POTEE: variants seen among roughly 807,000 people sequenced by gnomAD.
POTEE encodes ANKRD26-like family C member 1A.
Under a neutral mutation model 74.2 loss-of-function variants are expected in POTEE, and 21 were observed. The observed-to-expected ratio is 0.28, with a 90% confidence interval of 0.20 to 0.41. The LOEUF (loss-of-function observed/expected upper bound fraction) is 0.41. POTEE is among the 10% of genes least tolerant of loss of function. The probability of loss-of-function intolerance (pLI) is 1.00; values close to 1 mark genes in which losing one functional copy is unlikely to be tolerated. For missense variants in POTEE, 525 were observed against 1,158.6 expected (o/e 0.45, Z 7.94); for synonymous variants, 211 against 432.8 (o/e 0.49, Z 6.36).
chr2:131,229,648 C>A (rs149772097), intron 8 of POTEE: 1 of 152,080 alleles, frequency 6.6e-6, no homozygotes, highest in Admixed American at 6.5e-5. Context: ...TGGAACAATA[C>A]GGGGAAAGTT....
chr2:131,232,730 A>G (rs1000083927), intron 9 of POTEE, among the ~76,000 whole-genome samples: 19 of 151,210 alleles, frequency 1.3e-4, no homozygotes, highest in Non-Finnish European at 2.4e-4. Flanking sequence ...TTGATATCCT[A>G]GGATCCCACT....
intron 9 of POTEE, among the ~76,000 whole-genome samples, chr2:131,232,939 A>C (rs1283353794): frequency 6.6e-6 from 1 of 151,992 alleles, no homozygotes; most frequent in Non-Finnish European, 1.5e-5. Context: ...TGGCTGGGTC[A>C]CACCACATGC....
intron 6 of POTEE, among the ~76,000 whole-genome samples, chr2:131,224,390 A>G (rs1210827562): frequency 1.4e-5 from 2 of 146,042 alleles, no homozygotes; most frequent in East Asian, 4.1e-4. Context: ...TTTACATGAA[A>G]ACTCCAAGAA....
chr2:131,232,955 C>T (rs1701010880), intron 9 of POTEE, among the ~76,000 whole-genome samples: 1 of 151,956 alleles, frequency 6.6e-6, no homozygotes, highest in Non-Finnish European at 1.5e-5. Context: ...CATGCTCATT[C>T]CCAAACCAGG....
At chr2:131,229,807 T>C (rs1365963248) in intron 8 of POTEE, 3 of 152,114 alleles carry the variant, frequency 2.0e-5, no homozygotes, top group Admixed American at 6.5e-5. Flanking sequence ...AATATTGAAA[T>C]TGTGATTTGT....
intron 6 of POTEE, 73 bp downstream of exon 6, chr2:131,224,116 G>C (rs1415056154): frequency 7.4e-7 from 1 of 1,352,146 alleles, no homozygotes; most frequent in Non-Finnish European, 1.0e-6. Context: ...GTAAGGGCCA[G>C]TCTTCCATAT....
chr2:131,234,532 G>C (rs1701068518), intron 9 of POTEE, among the ~76,000 whole-genome samples: 1 of 41,356 alleles, frequency 2.4e-5, no homozygotes, highest in Non-Finnish European at 4.6e-5. Flanking sequence ...CAGGATTATA[G>C]TTAGAATTTA....
At chr2:131,223,765 A>T in intron 5 of POTEE, 55 bp downstream of exon 5, 1 of 1,610,076 alleles carries the variant, frequency 6.2e-7, no homozygotes, top group Non-Finnish European at 8.5e-7. Flanking sequence ...AATACATAGC[A>T]TAAAAATGAG....
chr2:131,263,951 G>C lies in POTEE; in HGVS notation c.2496G>C (p.Met832Ile). ...TTGAGACCTTCAACACCCCAGCCATGTACGTGGCCATCCAGGCCGTGCCGT... is the reference window on the plus strand; with the variant it reads ...TTGAGACCTTCAACACCCCAGCCATCTACGTGGCCATCCAGGCCGTGCCGT... ...IMFETFNTPA[M>I]YVAIQAVPSL... Residue 832 changes from methionine (M) to isoleucine (I), a missense_variant, in exon 18 of 18, where the codon ATG becomes ATC. By Grantham distance (10) the Met-to-Ile change is conservative (BLOSUM62 1). Coordinates refer to ENST00000683005, the MANE Select transcript of POTEE (RefSeq NM_001083538.3). The C allele has an allele frequency of 6.2e-7, 1 of 1,614,218 alleles. No homozygotes were observed.
At chr2:131,221,396 G>A (rs930685150) in intron 4 of POTEE, among the ~76,000 whole-genome samples, 2 of 152,188 alleles carry the variant, frequency 1.3e-5, no homozygotes, top group Non-Finnish European at 1.5e-5. Flanking sequence ...ATCTGCTCGT[G>A]TTAGCTGAAA....
intron 10 of POTEE, among the ~76,000 whole-genome samples, chr2:131,237,163 T>C (rs1256773094): frequency 7.9e-5 from 12 of 151,320 alleles, no homozygotes; most frequent in African/African-American, 1.5e-4. Context: ...TGTTCTTTTA[T>C]TTTTACAACA....
rs1701815676 is a variant in POTEE at position 131,263,977 on chromosome 2, C to T, written c.2522C>T (p.Ser841Phe). ...AMYVAIQAVP[S>F]LYTSGRTTGI... ...TACGTGGCCATCCAGGCCGTGCCGT[C>T]CCTGTACACCTCTGGCCGTACTACT... The change falls in exon 18 of 18, where the codon TCC becomes TTC. Residue 841 changes from serine (S) to phenylalanine (F), a missense_variant. Physicochemically the swap from Ser to Phe is radical, Grantham distance 155. Coordinates refer to ENST00000683005, the MANE Select transcript of POTEE (RefSeq NM_001083538.3). 5 of 1,614,128 alleles carry T rather than the reference C, an allele frequency of 3.1e-6. No homozygotes were observed. Among genetic ancestry groups the T allele is most frequent in the Middle Eastern group, 3.3e-4 (2 of 6,084 alleles).
intron 2 of POTEE, among the ~76,000 whole-genome samples, chr2:131,211,851 C>G (rs1001443428): frequency 6.7e-6 from 1 of 148,564 alleles, no homozygotes; most frequent in Non-Finnish European, 1.5e-5. Context: ...CCACCACTCC[C>G]GGTCATTTTT....
intron 2 of POTEE, among the ~76,000 whole-genome samples, 117 bp downstream of exon 2, chr2:131,211,300 G>A (rs1700352749): frequency 1.3e-5 from 2 of 151,720 alleles, no homozygotes; most frequent in South Asian, 4.2e-4. Context: ...CAGAAAGTCT[G>A]GGGACTGGGA....
At position 131,264,673 on chromosome 2, in the gene POTEE, A is replaced by G. The variant is rs1354761102; in HGVS notation, c.3218A>G (p.Lys1073Arg). 2 of 891,432 alleles carry G rather than the reference A, an allele frequency of 2.2e-6. No homozygotes were observed. The highest frequency in any genetic ancestry group is 3.8e-5 in the African/African-American group (2 of 52,844). 55.2% of individuals were successfully genotyped at this position (891,432 alleles called of 1,614,324 possible). A position where few individuals can be genotyped will look rare whatever the true frequency, so the allele number is the denominator to read the frequency against. Residue 1073 changes from lysine (K) to arginine (R), a missense_variant, in exon 18 of 18, where the codon AAA becomes AGA. Lys to Arg is a conservative substitution (Grantham distance 26, BLOSUM62 2). Coordinates refer to ENST00000683005, the MANE Select transcript of POTEE (RefSeq NM_001083538.3). ...DESGPSIVHR[K>R]CF ...TCAGGCCCCTCCATTGTCCACCGCA[A>G]ATGCTTCTAGGTGGACTCTGACTTA...
At chr2:131,223,168 A>G (rs1700676291) in intron 4 of POTEE, among the ~76,000 whole-genome samples, 1 of 149,318 alleles carries the variant, frequency 6.7e-6, no homozygotes, top group Non-Finnish European at 1.5e-5. Context: ...AAATTAAAAT[A>G]TCTAACAATT....
intron 6 of POTEE, among the ~76,000 whole-genome samples, chr2:131,224,996 A>G (rs1700735514): frequency 6.6e-6 from 1 of 152,030 alleles, no homozygotes; most frequent in South Asian, 2.1e-4. Flanking sequence ...TACCGGGGAA[A>G]ATCATGTGGT....
intron 2 of POTEE, among the ~76,000 whole-genome samples, chr2:131,212,925 C>A (rs1257790599): frequency 2.0e-5 from 3 of 150,626 alleles, no homozygotes; most frequent in Non-Finnish European, 4.4e-5. Context: ...ATCACCACCT[C>A]TTTGCAAGAG....
intron 2 of POTEE, among the ~76,000 whole-genome samples, chr2:131,213,163 G>A (rs1375991104): frequency 6.6e-6 from 1 of 152,132 alleles, no homozygotes; most frequent in East Asian, 1.9e-4. Context: ...GTTTCACCAT[G>A]TTGGCCAGGC....
Sources: gnomAD v4.1 joint callset for allele counts (sites outside exome capture counted in the v4.1 genomes callset) on GRCh38, gnomAD v4.1.1 for gene constraint, MANE v1.5 for transcripts, NCBI Gene and HGNC (gene_info 2026-07-23, HGNC 2026-07-21) for gene names.